LRRC4C: variants seen among roughly 807,000 people sequenced by gnomAD.
The protein encoded by LRRC4C is leucine rich repeat containing 4C.
Under a neutral mutation model 33.6 loss-of-function variants are expected in LRRC4C, and 5 were observed. The observed-to-expected ratio is 0.15, with a 90% CI of 0.08 to 0.31. The LOEUF is 0.31. Ranked by LOEUF, LRRC4C falls within the 10% of genes least tolerant of loss-of-function variation. The pLI, the probability that LRRC4C is intolerant of heterozygous loss-of-function variation, is 1.00. For synonymous variants in LRRC4C, 329 were observed against 302.0 expected, an observed-to-expected ratio of 1.09 and a Z score of -0.93; for missense variants, 560 against 796.7, an observed-to-expected ratio of 0.70 and a Z score of 3.58.
intron 1 of LRRC4C, among the ~76,000 whole-genome samples, chr11:41,395,529 C>A (rs1953774885): frequency 6.6e-6 from 1 of 151,916 alleles, no homozygotes; most frequent in Non-Finnish European, 1.5e-5. Flanking sequence ...CAAAAGAAAT[C>A]ATTAGTGTCT....
At chr11:41,387,298 T>G (rs1953400230) in intron 1 of LRRC4C, among the ~76,000 whole-genome samples, 1 of 151,680 alleles carries the variant, frequency 6.6e-6, no homozygotes, top group African/African-American at 2.4e-5. Context: ...GGAGAAAGAT[T>G]AGATGTAGAG....
intron 3 of LRRC4C, among the ~76,000 whole-genome samples, chr11:40,467,917 T>G (rs1306062664): frequency 6.6e-6 from 1 of 152,176 alleles, no homozygotes. Context: ...TTTTATTGAC[T>G]GATGGAGCTG....
At chr11:41,219,585 AT>A (rs1267370585) in intron 1 of LRRC4C, among the ~76,000 whole-genome samples, 1 of 152,130 alleles carries the variant, frequency 6.6e-6, no homozygotes, top group African/African-American at 2.4e-5. Flanking sequence ...AGGAATTTCC[AT>A]TTATTTGCTA....
chr11:40,560,000 A>G (rs1279166292), intron 3 of LRRC4C, among the ~76,000 whole-genome samples: 2 of 152,098 alleles, frequency 1.3e-5, no homozygotes, highest in East Asian at 3.9e-4. Flanking sequence ...GAGTGTCTTG[A>G]TCTTCTTAGA....
At chr11:40,121,780 G>A (rs1478077365) in intron 6 of LRRC4C, among the ~76,000 whole-genome samples, 1 of 152,154 alleles carries the variant, frequency 6.6e-6, no homozygotes, top group Non-Finnish European at 1.5e-5. Flanking sequence ...AGTCATCATA[G>A]GCTTTGTCTA....
At chr11:40,640,513 A>T (rs1399863761) in intron 3 of LRRC4C, among the ~76,000 whole-genome samples, 1 of 148,716 alleles carries the variant, frequency 6.7e-6, no homozygotes, top group Non-Finnish European at 1.5e-5. Flanking sequence ...TTTTCTATAT[A>T]TTTTTTTTTA....
chr11:40,427,707 G>A (rs1446875028), intron 3 of LRRC4C, among the ~76,000 whole-genome samples: 2 of 152,072 alleles, frequency 1.3e-5, no homozygotes, highest in African/African-American at 4.8e-5. Context: ...GTATATGCCT[G>A]TAGTCCCAGC....
chr11:40,607,215 C>T (rs1206255082), intron 3 of LRRC4C, among the ~76,000 whole-genome samples: 4 of 152,108 alleles, frequency 2.6e-5, no homozygotes, highest in Non-Finnish European at 4.4e-5. Context: ...AAAGAATGTT[C>T]TTTAAATCGA....
intron 1 of LRRC4C, among the ~76,000 whole-genome samples, chr11:41,371,142 C>A (rs1382984517): frequency 7.3e-6 from 1 of 137,796 alleles, no homozygotes; most frequent in Non-Finnish European, 1.6e-5. Flanking sequence ...TAGCTACCAC[C>A]ATCATCTTAT....
intron 2 of LRRC4C, among the ~76,000 whole-genome samples, chr11:40,929,774 A>G (rs925449509): frequency 6.6e-6 from 1 of 152,152 alleles, no homozygotes; most frequent in Admixed American, 6.5e-5. Context: ...AATGTAATTC[A>G]GTGTCCAAAG....
chr11:40,642,318 A>G (rs998964352), intron 3 of LRRC4C, among the ~76,000 whole-genome samples: 2 of 152,240 alleles, frequency 1.3e-5, no homozygotes, highest in African/African-American at 4.8e-5. Flanking sequence ...TAAAGAATAA[A>G]GAAATAGGAA....
intron 2 of LRRC4C, among the ~76,000 whole-genome samples, chr11:40,742,137 A>T (rs1234766547): frequency 1.3e-5 from 2 of 152,066 alleles, no homozygotes; most frequent in African/African-American, 4.8e-5. Context: ...CTGTTTCCAT[A>T]ATAATGTATC....
chr11:41,296,109 A>G (rs1950133846), intron 1 of LRRC4C, among the ~76,000 whole-genome samples: 1 of 152,136 alleles, frequency 6.6e-6, no homozygotes, highest in South Asian at 2.1e-4. Flanking sequence ...AATATTTCCT[A>G]CATTATATTT....
intron 3 of LRRC4C, among the ~76,000 whole-genome samples, chr11:40,444,375 A>C (rs1026079335): frequency 7.1e-6 from 1 of 140,800 alleles, no homozygotes; most frequent in Non-Finnish European, 1.6e-5. Flanking sequence ...TTTTAAATTT[A>C]TTTTTTTATT....
chr11:40,893,354 A>G (rs908822616), intron 2 of LRRC4C, among the ~76,000 whole-genome samples: 21 of 152,096 alleles, frequency 1.4e-4, no homozygotes, highest in Non-Finnish European at 4.4e-5. Flanking sequence ...AATTTGTTGC[A>G]CATTTTAGAA....
chr11:41,066,811 A>T (rs1938276955), intron 1 of LRRC4C, among the ~76,000 whole-genome samples: 1 of 152,174 alleles, frequency 6.6e-6, no homozygotes. Context: ...ATCCAGCCAA[A>T]CTAAGTTTCA....
intron 4 of LRRC4C, among the ~76,000 whole-genome samples, chr11:40,304,630 A>G (rs1425434984): frequency 6.6e-6 from 1 of 152,204 alleles, no homozygotes; most frequent in Non-Finnish European, 1.5e-5. Flanking sequence ...AGATTCATTC[A>G]AAGGCATCTT....
At chr11:41,122,276 C>T (rs545451620) in intron 1 of LRRC4C, among the ~76,000 whole-genome samples, 38 of 152,100 alleles carry the variant, frequency 2.5e-4, no homozygotes, top group African/African-American at 3.1e-4. Context: ...TTATTGAACC[C>T]GCCAGATTCA....
In LRRC4C at chr11:41,339,440, A is replaced by G. The variant is rs142580377; in HGVS notation, c.-496+119991T>C. ...AGTAAGCTTTGTCTATGACTAAACC[A>G]GCAATAGGCCAAATGAAATGCAAAG... On this transcript the variant is annotated intron_variant, in intron 1 of 6. Transcript: ENST00000528697. Among the ~76,000 whole-genome samples the G allele has an allele frequency of 2.1e-3, 314 of 152,302 alleles. 1 individual carries two copies. Among genetic ancestry groups the G allele is most frequent in the African/African-American group, 7.1e-3 (295 of 41,552 alleles).
Sources: gnomAD v4.1 joint callset for allele counts (sites outside exome capture counted in the v4.1 genomes callset) on GRCh38, gnomAD v4.1.1 for gene constraint, MANE v1.5 for transcripts, NCBI Gene and HGNC (gene_info 2026-07-23, HGNC 2026-07-21) for gene names.